Variants in CCL28 observed in about 807,000 individuals in gnomAD.
CCL28 encodes the protein C-C motif chemokine ligand 28.
In CCL28, 4 loss-of-function variants were observed where a neutral mutation model predicts 7.1. The observed-to-expected ratio is 0.56, with a 90% CI of 0.28 to 1.29. CCL28 has a LOEUF of 1.29. CCL28 is among the 50% of genes most tolerant of loss of function. The probability of loss-of-function intolerance (pLI) is 0.11; values close to 1 mark genes in which losing one functional copy is unlikely to be tolerated. For missense variants in CCL28, 151 were observed against 163.4 expected (o/e 0.92, Z 0.41); for synonymous variants, 55 against 57.8 (o/e 0.95, Z 0.22).
At chr5:43,400,422 G>T (rs1740982178) in intron 1 of CCL28, among the ~76,000 whole-genome samples, 1 of 152,210 alleles carries the variant, frequency 6.6e-6, no homozygotes, top group South Asian at 2.1e-4. Flanking sequence ...CTGGACTCAG[G>T]CTATCCTCCC....
chr5:43,370,477 A>G, the CCL28 span, among the ~76,000 whole-genome samples: 3 of 152,168 alleles, frequency 2.0e-5, no homozygotes, highest in East Asian at 1.9e-4. Flanking sequence ...GCTTCTTCTA[A>G]TATCTTTACC....
the CCL28 span, among the ~76,000 whole-genome samples, chr5:43,362,078 G>T: frequency 6.6e-6 from 1 of 152,022 alleles, no homozygotes; most frequent in African/African-American, 2.4e-5. Flanking sequence ...TCTGTAAATT[G>T]CTTTGGGCAG....
At chr5:43,371,811 A>G (rs1444263241), downstream of CCL28, among the ~76,000 whole-genome samples, 3 of 152,238 alleles carry the variant, frequency 2.0e-5, no homozygotes, top group African/African-American at 7.2e-5. Flanking sequence ...TTAATGGATA[A>G]CTATCTCAGT....
chr5:43,387,196 G>A (rs924600253), intron 2 of CCL28, among the ~76,000 whole-genome samples: 1 of 152,166 alleles, frequency 6.6e-6, no homozygotes, highest in Non-Finnish European at 1.5e-5. Flanking sequence ...TCCCACCACT[G>A]CTTTAGAATG....
chr5:43,372,425 G>A (rs1739801812), downstream of CCL28, among the ~76,000 whole-genome samples: 1 of 152,170 alleles, frequency 6.6e-6, no homozygotes, highest in Non-Finnish European at 1.5e-5. Context: ...CTGGAGTGCA[G>A]TGGGGCAATC....
chr5:43,405,564 C>A (rs561101135), intron 1 of CCL28, among the ~76,000 whole-genome samples: 116 of 152,222 alleles, frequency 7.6e-4, no homozygotes, highest in African/African-American at 2.6e-3. Flanking sequence ...AAAATTGACA[C>A]CCTAACATCA....
chr5:43,375,175 C>T (rs1438918515), downstream of CCL28, among the ~76,000 whole-genome samples: 2 of 151,242 alleles, frequency 1.3e-5, no homozygotes. Flanking sequence ...ATTTTTAGTA[C>T]AGAAGGTGTT....
Position 43,381,776 on chromosome 5 carries a change from A to C in CCL28, c.*84T>G. On this transcript the variant is annotated 3_prime_UTR_variant, in exon 3 of 3. Transcript: ENST00000361115. ...TTGTTTTGTTCTGTTGTCTACAATA[A>C]GGAGAATTCAGATGATAAACTTACA... is the stretch of plus-strand genomic sequence containing the variant. The C allele has an allele frequency of 8.8e-7, 1 of 1,140,286 alleles. No homozygotes were observed. Among genetic ancestry groups the C allele is most frequent in the Non-Finnish European group, 1.3e-6 (1 of 787,628 alleles). 70.6% of individuals were successfully genotyped at this position (1,140,286 alleles called of 1,614,324 possible).
chr5:43,376,029 C>T (rs62368925), downstream of CCL28, among the ~76,000 whole-genome samples: 2,885 of 152,292 alleles, frequency 0.019, 35 homozygotes, highest in Non-Finnish European at 0.028. Context: ...GAGCGAAACT[C>T]TGTCTCAAAA....
the CCL28 span, among the ~76,000 whole-genome samples, chr5:43,356,998 C>T: frequency 6.6e-6 from 1 of 152,184 alleles, no homozygotes; most frequent in Non-Finnish European, 1.5e-5. Flanking sequence ...CATTTATTTG[C>T]TCACCTCTGC....
In CCL28 at chr5:43,390,886, C is replaced by G. The variant is rs1740543985; in HGVS notation, c.65-2410G>C. Among the ~76,000 whole-genome samples the G allele has an allele frequency of 2.0e-5, 3 of 152,188 alleles. No homozygotes were observed. The South Asian group carries it at 6.2e-4, about 32-fold the overall frequency. The stretch of plus-strand genomic sequence containing the variant: ...GAACATCACAATTTCTACTCACCAA[C>G]CAGTGAAGCCCAGAGTATAGGAGTT... On this transcript the variant is annotated intron_variant, in intron 1 of 2. Transcript: ENST00000361115.
intron 2 of CCL28, among the ~76,000 whole-genome samples, chr5:43,387,818 G>A (rs1740403605): frequency 6.6e-6 from 1 of 152,076 alleles, no homozygotes; most frequent in African/African-American, 2.4e-5. Context: ...TAGAGATGGG[G>A]TCTCACCATG....
At chr5:43,363,189 C>T in the CCL28 span, among the ~76,000 whole-genome samples, 1 of 152,278 alleles carries the variant, frequency 6.6e-6, no homozygotes, top group South Asian at 2.1e-4. Flanking sequence ...AGTCTACCAG[C>T]ATGGTTGCTA....
At chr5:43,409,284 G>T (rs977626351) in intron 1 of CCL28, among the ~76,000 whole-genome samples, 1 of 152,084 alleles carries the variant, frequency 6.6e-6, no homozygotes, top group Admixed American at 6.6e-5. Context: ...AAATTAGCTG[G>T]GTGTGGTGGT....
chr5:43,376,300 T>A (rs1164926176), downstream of CCL28, among the ~76,000 whole-genome samples: 2 of 152,166 alleles, frequency 1.3e-5, no homozygotes, highest in Non-Finnish European at 2.9e-5. Flanking sequence ...GAGATTTTTA[T>A]ACCCCTCCCC....
rs1423365961 is a variant in CCL28, at chr5:43,379,984, G to A, written c.*1876C>T. ...AAAATACAAAAATCAGCGGGGTGTG[G>A]TGGCTGGGCGCCTGTAATATCAGTT... is the stretch of plus-strand genomic sequence containing the variant. On this transcript the variant is annotated 3_prime_UTR_variant, in exon 3 of 3. Coordinates refer to ENST00000361115, the MANE Select transcript of CCL28 (RefSeq NM_148672.3). 6.6e-6 allele frequency: 1 copy of A among 152,166 alleles called. No individual in the cohort carries two copies. The highest frequency in any genetic ancestry group is 1.9e-4 in the East Asian group (1 of 5,198). The allele number at this position is 152,166 out of a possible 1,614,324, so 9.4% of individuals were successfully genotyped here. A position where few individuals can be genotyped will look rare whatever the true frequency, so the allele number is the denominator to read the frequency against.
chr5:43,390,302 G>T (rs1050392174), intron 1 of CCL28, among the ~76,000 whole-genome samples: 2 of 152,198 alleles, frequency 1.3e-5, no homozygotes, highest in African/African-American at 4.8e-5. Flanking sequence ...GTATGATGGA[G>T]AAGGGGTTCC....
At chr5:43,373,395 G>C (rs763294915), downstream of CCL28, among the ~76,000 whole-genome samples, 14 of 151,906 alleles carry the variant, frequency 9.2e-5, no homozygotes, top group Non-Finnish European at 1.9e-4. Flanking sequence ...CCGCCTCCCT[G>C]GTTCAAGTGA....
At chr5:43,358,072 C>T in the CCL28 span, among the ~76,000 whole-genome samples, 2 of 152,206 alleles carry the variant, frequency 1.3e-5, no homozygotes, top group Non-Finnish European at 2.9e-5. Flanking sequence ...TCACCACTCA[C>T]GCCTTGTGAA....
Sources: allele counts gnomAD v4.1 joint callset (sites outside exome capture counted in the v4.1 genomes callset), GRCh38; gene constraint gnomAD v4.1.1; transcripts MANE v1.5; gene names NCBI Gene and HGNC (gene_info 2026-07-23, HGNC 2026-07-21).